Variants in ATG5 observed in about 807,000 individuals in gnomAD.
The protein encoded by ATG5 is autophagy protein 5.
ATG5 carries 14 observed loss-of-function variants against 36.5 expected under a neutral mutation model. The observed-to-expected ratio is 0.38, with a 90% CI of 0.25 to 0.60. The LOEUF (loss-of-function observed/expected upper bound fraction) is 0.60. Among genes scored for constraint, ATG5 ranks in the 20% least tolerant of loss-of-function variants. ATG5 has a pLI of 0.60. For synonymous variants in ATG5, 95 were observed against 101.5 expected, an observed-to-expected ratio of 0.94 and a Z score of 0.38; for missense variants, 195 against 326.7, an observed-to-expected ratio of 0.60 and a Z score of 3.11.
intron 1 of ATG5, among the ~76,000 whole-genome samples, chr6:106,323,594 C>T (rs1215661891): frequency 6.6e-6 from 1 of 152,088 alleles, no homozygotes; most frequent in Non-Finnish European, 1.5e-5. Context: ...CTTGACCCTT[C>T]TTCTACCTGA....
At chr6:106,297,717 A>AACACACACACACACACACAC (rs56336702) in intron 3 of ATG5, among the ~76,000 whole-genome samples, 1 of 135,452 alleles carries the variant, frequency 7.4e-6, no homozygotes, top group Non-Finnish European at 1.6e-5. Context: ...AAATGACTTA[A>AACACACACACACACACACAC]ACACACACAC....
intron 5 of ATG5, among the ~76,000 whole-genome samples, chr6:106,275,292 C>T (rs1307260866): frequency 1.3e-5 from 2 of 152,174 alleles, no homozygotes; most frequent in African/African-American, 4.8e-5. Flanking sequence ...ATTTACCAAG[C>T]TAAAGATTTC....
chr6:106,309,439 T>C (rs1346570506), intron 2 of ATG5, among the ~76,000 whole-genome samples: 1 of 152,128 alleles, frequency 6.6e-6, no homozygotes, highest in East Asian at 1.9e-4. Flanking sequence ...TACAGGGGTA[T>C]GGGAGGGAGA....
chr6:106,259,340 A>G (rs1042929185), intron 5 of ATG5, among the ~76,000 whole-genome samples: 2 of 152,224 alleles, frequency 1.3e-5, no homozygotes, highest in African/African-American at 4.8e-5. Context: ...CCAAAACTTC[A>G]ATCAGGATTT....
chr6:106,208,046 C>G (rs531176807), intron 6 of ATG5, among the ~76,000 whole-genome samples: 7 of 152,200 alleles, frequency 4.6e-5, no homozygotes, highest in African/African-American at 1.7e-4. Flanking sequence ...GAGCCGAAAT[C>G]GCGCCACTGC....
chr6:106,219,505 T>A (rs984824749), intron 6 of ATG5, among the ~76,000 whole-genome samples: 1 of 152,206 alleles, frequency 6.6e-6, no homozygotes, highest in Non-Finnish European at 1.5e-5. Flanking sequence ...TTTCTTGTTA[T>A]CATTCCCTAA....
At chr6:106,225,198 C>T (rs1031540488) in intron 6 of ATG5, among the ~76,000 whole-genome samples, 13 of 152,150 alleles carry the variant, frequency 8.5e-5, no homozygotes, top group South Asian at 2.1e-4. Flanking sequence ...GTAAGGTGAA[C>T]GAGCCAAATC....
intron 6 of ATG5, among the ~76,000 whole-genome samples, chr6:106,246,931 C>T (rs1778365027): frequency 6.6e-6 from 1 of 152,118 alleles, no homozygotes; most frequent in Non-Finnish European, 1.5e-5. Context: ...TTTCTAGAAC[C>T]TGGACACAAA....
At chr6:106,304,266 G>A (rs1011739811) in intron 3 of ATG5, 7 of 151,988 alleles carry the variant, frequency 4.6e-5, no homozygotes, top group South Asian at 4.2e-4. Flanking sequence ...TTTGTGAAGC[G>A]CTCCACAGTA....
intron 7 of ATG5, among the ~76,000 whole-genome samples, chr6:106,193,003 T>A (rs1362685053): frequency 1.3e-5 from 2 of 152,170 alleles, no homozygotes; most frequent in Non-Finnish European, 2.9e-5. Context: ...CAAAGAGGGT[T>A]AAACCAAGCC....
In ATG5 at chr6:106,186,415, C is replaced by A. The variant is rs1775769696; in HGVS notation, c.*125G>T. 1.7e-6 allele frequency: 2 copies of A among 1,160,074 alleles called. No homozygotes were observed. The highest frequency in any genetic ancestry group is 2.4e-6 in the Non-Finnish European group (2 of 817,222). The allele number at this position is 1,160,074 out of a possible 1,614,324, so 71.9% of individuals were successfully genotyped here. A position where few individuals can be genotyped will look rare whatever the true frequency, so the allele number is the denominator to read the frequency against. ...ATCTGACATGGAATCTTTTTCCTGT[C>A]TGGCTTGCAGCAGCGAAGTGTTTCT... On this transcript the variant is annotated 3_prime_UTR_variant, in exon 8 of 8. Transcript: ENST00000369076.
At chr6:106,194,551 T>C (rs1051853738) in intron 7 of ATG5, among the ~76,000 whole-genome samples, 1 of 151,548 alleles carries the variant, frequency 6.6e-6, no homozygotes, top group African/African-American at 2.4e-5. Context: ...TTTTCTTTTT[T>C]TTTTGAGATG....
intron 5 of ATG5, among the ~76,000 whole-genome samples, chr6:106,276,396 G>A (rs1437716850): frequency 5.3e-5 from 8 of 150,902 alleles, no homozygotes; most frequent in Non-Finnish European, 1.0e-4. Flanking sequence ...CCCGGGAAGC[G>A]GAGCTTGCAG....
chr6:106,303,708 G>A (rs956998477), intron 3 of ATG5, among the ~76,000 whole-genome samples: 22 of 151,934 alleles, frequency 1.4e-4, no homozygotes, highest in African/African-American at 4.6e-4. Flanking sequence ...ATTACATTCC[G>A]TGACCAAATA....
At chr6:106,234,443 A>G (rs1004409943) in intron 6 of ATG5, among the ~76,000 whole-genome samples, 5 of 152,190 alleles carry the variant, frequency 3.3e-5, no homozygotes, top group Admixed American at 6.5e-5. Flanking sequence ...TCTTGTTTCC[A>G]ATCTGGAAAT....
chr6:106,314,323 G>A (rs908574281), intron 2 of ATG5, among the ~76,000 whole-genome samples: 19 of 152,278 alleles, frequency 1.2e-4, no homozygotes, highest in Middle Eastern at 3.4e-3. Flanking sequence ...TTGGAAGGCC[G>A]AGGCGGGCAG....
chr6:106,197,697 A>G (rs1582536106), intron 7 of ATG5, among the ~76,000 whole-genome samples: 1 of 152,150 alleles, frequency 6.6e-6, no homozygotes, highest in Non-Finnish European at 1.5e-5. Flanking sequence ...GCACACACCA[A>G]CTTCCCTTCA....
At chr6:106,288,934 ATG>A (rs139396189) in intron 4 of ATG5, among the ~76,000 whole-genome samples, 10 of 150,974 alleles carry the variant, frequency 6.6e-5, no homozygotes, top group East Asian at 3.9e-4. Context: ...ACTGATCCAA[ATG>A]TGTGTGTGTG....
intron 7 of ATG5, among the ~76,000 whole-genome samples, chr6:106,193,168 C>T (rs556826667): frequency 8.5e-5 from 13 of 152,222 alleles, no homozygotes; most frequent in African/African-American, 2.9e-4. Flanking sequence ...GGGCTTTTAT[C>T]CTATGATCAC....
Sources: gnomAD v4.1 joint callset for allele counts (sites outside exome capture counted in the v4.1 genomes callset) on GRCh38, gnomAD v4.1.1 for gene constraint, MANE v1.5 for transcripts, NCBI Gene and HGNC (gene_info 2026-07-23, HGNC 2026-07-21) for gene names.